Variants in VPS13B observed in about 807,000 individuals in gnomAD.
VPS13B encodes vacuolar protein sorting 13 homolog B.
Under a neutral mutation model 426.4 loss-of-function variants are expected in VPS13B, and 285 were observed. The ratio of observed to expected loss-of-function variants is 0.67; its 90% CI spans 0.61 to 0.74. The LOEUF is 0.74. Among genes scored for constraint, VPS13B ranks in the 30% least tolerant of loss-of-function variants. The pLI, the probability that VPS13B is intolerant of heterozygous loss-of-function variation, is 0.00. For synonymous variants in VPS13B, 1,676 were observed against 1,676.4 expected, an observed-to-expected ratio of 1.00 and a Z score of 0.01; for missense variants, 4,537 against 4,782.6, an observed-to-expected ratio of 0.95 and a Z score of 1.51.
intron 3 of VPS13B, among the ~76,000 whole-genome samples, chr8:99,087,630 T>TA (rs1554606638): frequency 4.0e-5 from 6 of 151,262 alleles, no homozygotes; most frequent in African/African-American, 1.5e-4. Context: ...TTTTTTTTTT[T>TA]ATAGACTGGG....
intron 3 of VPS13B, among the ~76,000 whole-genome samples, chr8:99,077,090 G>T (rs1387581753): frequency 6.6e-6 from 1 of 152,004 alleles, no homozygotes; most frequent in African/African-American, 2.4e-5. Flanking sequence ...CTAGATGTAG[G>T]ACTCCCCTAA....
chr8:99,068,292 A>T (rs1224229033), intron 3 of VPS13B, among the ~76,000 whole-genome samples: 6 of 152,216 alleles, frequency 3.9e-5, no homozygotes, highest in Admixed American at 3.3e-4. Context: ...TATAATTCAG[A>T]CATATTTGTG....
chr8:99,717,398 T>C, intron 37 of VPS13B, 25 bp downstream of exon 37: 2 of 1,595,518 alleles, frequency 1.3e-6, no homozygotes, highest in South Asian at 2.2e-5. Flanking sequence ...GCCATATTTT[T>C]TTCATAGGTT....
At chr8:99,436,986 G>A (rs1000785511) in intron 22 of VPS13B, among the ~76,000 whole-genome samples, 7 of 151,962 alleles carry the variant, frequency 4.6e-5, no homozygotes, top group East Asian at 1.9e-4. Context: ...TGATCCACCC[G>A]CCTCGGCCTC....
chr8:99,764,733 ATT>A (rs951537235), intron 39 of VPS13B, among the ~76,000 whole-genome samples: 5 of 151,970 alleles, frequency 3.3e-5, no homozygotes, highest in Non-Finnish European at 7.4e-5. Flanking sequence ...TACTTTATTC[ATT>A]TTAACAGTTG....
chr8:99,432,757 G>A (rs964502241), intron 22 of VPS13B, among the ~76,000 whole-genome samples: 2 of 152,114 alleles, frequency 1.3e-5, no homozygotes, highest in Non-Finnish European at 2.9e-5. Context: ...ATGTAATATT[G>A]GAGAGTTTTT....
chr8:99,744,406 A>G lies in VPS13B; in HGVS notation c.7051-22368A>G, dbSNP rs1000688804. Among the ~76,000 whole-genome samples, 176 of 152,216 alleles carry G rather than the reference A, an allele frequency of 1.2e-3. 1 individual carries two copies. Among genetic ancestry groups the G allele is most frequent in the Non-Finnish European group, 1.3e-3 (88 of 67,990 alleles). On this transcript the variant is annotated intron_variant, in intron 39 of 61. Transcript: ENST00000357162. ...ACTAGTTCAACCATTGTGGAAGTCA[A>G]TGTGGCGATTCCTCAGGGATCTAGA...
At chr8:99,273,104 C>G (rs1818684043) in intron 17 of VPS13B, among the ~76,000 whole-genome samples, 1 of 151,206 alleles carries the variant, frequency 6.6e-6, no homozygotes. Context: ...TATTTTGTTT[C>G]TGTTTCCTCA....
At chr8:99,554,542 C>A (rs1824448189) in intron 30 of VPS13B, among the ~76,000 whole-genome samples, 1 of 151,222 alleles carries the variant, frequency 6.6e-6, no homozygotes, top group Admixed American at 6.7e-5. Context: ...TTACCTGTTG[C>A]TAGATAGTAT....
At chr8:99,042,925 T>G (rs1843039043) in intron 3 of VPS13B, among the ~76,000 whole-genome samples, 1 of 152,218 alleles carries the variant, frequency 6.6e-6, no homozygotes, top group African/African-American at 2.4e-5. Context: ...ATTTTTGTTT[T>G]TCTACAAAGT....
chr8:99,520,215 G>T (rs1313729277), intron 29 of VPS13B, among the ~76,000 whole-genome samples: 2 of 151,840 alleles, frequency 1.3e-5, no homozygotes, highest in Non-Finnish European at 2.9e-5. Flanking sequence ...AGGGGTCTGG[G>T]GTTCCAATTT....
At chr8:99,323,570 C>A (rs1810094866) in intron 19 of VPS13B, among the ~76,000 whole-genome samples, 1 of 152,110 alleles carries the variant, frequency 6.6e-6, no homozygotes, top group South Asian at 2.1e-4. Context: ...ATGTTTATAT[C>A]CCCAAAGCTC....
chr8:99,048,580 C>T (rs529540930), intron 3 of VPS13B, among the ~76,000 whole-genome samples: 32 of 151,948 alleles, frequency 2.1e-4, no homozygotes, highest in Middle Eastern at 3.4e-3. Context: ...TTTGGGAGGC[C>T]GAGACGGGCG....
intron 33 of VPS13B, among the ~76,000 whole-genome samples, chr8:99,597,815 A>G (rs1827093338): frequency 6.6e-6 from 1 of 152,044 alleles, no homozygotes; most frequent in African/African-American, 2.4e-5. Flanking sequence ...AAAGCCAAGC[A>G]CAATCCTTAC....
intron 14 of VPS13B, among the ~76,000 whole-genome samples, chr8:99,150,202 G>A (rs191829448): frequency 1.6e-3 from 237 of 152,232 alleles, no homozygotes; most frequent in African/African-American, 5.3e-3. Context: ...TGTCATCTCT[G>A]TTTTTGCTAT....
rs565272122 is a variant in VPS13B at position 99,299,526 on chromosome 8, A to G, written c.2824+24272A>G. Among the ~76,000 whole-genome samples the G allele has an allele frequency of 9.9e-5, 15 of 152,110 alleles. No homozygotes were observed. In the South Asian group the frequency reaches 1.2e-3, roughly 13 times the overall value. On this transcript the variant is annotated intron_variant, in intron 19 of 61. Coordinates refer to ENST00000357162, the MANE Select transcript of VPS13B (RefSeq NM_152564.5). ...TCATTTTTACCAGCAGATTAACTCC[A>G]CATTTAACATGAATTTATATTTTAG...
In VPS13B at chr8:99,661,403, A is replaced by G. The variant is rs2129763770; in HGVS notation, c.5958A>G (p.Leu1986=). Residue 1986 remains leucine, a synonymous_variant, in exon 35 of 62, where the codon CTA becomes CTG. Transcript: ENST00000357162. ...PEALDYCTVW[L]QTVPGEIDSK... is the part of the protein sequence containing the mutation. ...CCCTTGATTATTGCACTGTTTGGCT[A>G]CAGACAGTGCCTGGAGAAATAGACA... The G allele has an allele frequency of 6.2e-7, 1 of 1,613,770 alleles. No individual in the cohort carries two copies. Among genetic ancestry groups the G allele is most frequent in the South Asian group, 1.1e-5 (1 of 91,074 alleles).
At chr8:99,649,464 T>G (rs1280557458) in intron 34 of VPS13B, among the ~76,000 whole-genome samples, 1 of 152,164 alleles carries the variant, frequency 6.6e-6, no homozygotes, top group Non-Finnish European at 1.5e-5. Flanking sequence ...TTCTAAAATT[T>G]CCATTTGGTT....
At position 99,699,531 on chromosome 8, in the gene VPS13B, T is replaced by C. The variant is rs753221928; in HGVS notation, c.6053T>C (p.Val2018Ala). 1 of 1,613,576 alleles carries C rather than the reference T, an allele frequency of 6.2e-7. No homozygotes were observed. Among genetic ancestry groups the C allele is most frequent in the South Asian group, 1.1e-5 (1 of 91,020 alleles). Reference sequence around the variant, plus strand: ...CTCTTTTTTACTTCTATAGCGGATGTCAATTTGGATATATCAAAGCCTTTG... The same window carrying C: ...CTCTTTTTTACTTCTATAGCGGATGCCAATTTGGATATATCAAAGCCTTTG... ...IKDFLNGPADVNLDISKPLKA... is the reference protein window; with the variant it reads ...IKDFLNGPADANLDISKPLKA... Residue 2018 changes from valine (V) to alanine (A), a missense_variant, in exon 36 of 62, where the codon GTC (valine) becomes GCC (alanine). By Grantham distance (64) the Val-to-Ala change is moderately conservative. Around this residue, in one of 2 missense-constraint regions of VPS13B, gnomAD observed 4,311 missense variants for 4,474.3 expected, o/e 0.96. Transcript: ENST00000357162.
Sources: allele counts gnomAD v4.1 joint callset (sites outside exome capture counted in the v4.1 genomes callset), GRCh38; gene constraint gnomAD v4.1.1; regional missense constraint gnomAD v4.1.1; transcripts MANE v1.5; gene names NCBI Gene and HGNC (gene_info 2026-07-23, HGNC 2026-07-21).